The following VPS8 variants were observed in gnomAD, a reference collection of about 807,000 sequenced individuals.
The protein encoded by VPS8 is vacuolar protein sorting-associated protein 8 homolog.
A neutral mutation model predicts 216.4 loss-of-function variants in VPS8; 129 were observed. The ratio of observed to expected loss-of-function variants is 0.60; its 90% CI spans 0.52 to 0.69. VPS8 has a LOEUF of 0.69. Ranked by LOEUF, VPS8 falls within the 30% of genes least tolerant of loss-of-function variation. VPS8 has a pLI of 0.00. For missense variants in VPS8, 1,531 were observed against 1,683.5 expected (o/e 0.91, Z 1.59); for synonymous variants, 571 against 565.4 (o/e 1.01, Z -0.14).
At chr3:184,898,500 TAAA>T in intron 23 of VPS8, 62 bp from the exon 24 acceptor site, 2 of 1,273,916 alleles carry the variant, frequency 1.6e-6, no homozygotes, top group Non-Finnish European at 2.2e-6. Flanking sequence ...TTCCCATTCT[TAAA>T]GCATTAAGGA....
intron 20 of VPS8, among the ~76,000 whole-genome samples, chr3:184,869,930 A>T (rs780569101): frequency 3.3e-5 from 5 of 152,158 alleles, no homozygotes; most frequent in Non-Finnish European, 7.4e-5. Flanking sequence ...CATCTTGAAT[A>T]CTTTTAAAAT....
At chr3:184,974,422 ATTGAG>A (rs1397815839) in intron 40 of VPS8, among the ~76,000 whole-genome samples, 6 of 151,982 alleles carry the variant, frequency 3.9e-5, no homozygotes, top group South Asian at 2.1e-4. Flanking sequence ...CTTTTTTGCT[ATTGAG>A]TTGAGTTCAT....
At chr3:185,045,096 G>A (rs924019916) in intron 46 of VPS8, among the ~76,000 whole-genome samples, 3 of 63,778 alleles carry the variant, frequency 4.7e-5, no homozygotes, top group African/African-American at 2.0e-4. Flanking sequence ...GTGAGGTGGA[G>A]GGCAGGCAGG....
intron 36 of VPS8, among the ~76,000 whole-genome samples, chr3:184,952,378 A>G (rs1339893436): frequency 3.9e-5 from 6 of 152,180 alleles, no homozygotes; most frequent in Non-Finnish European, 7.4e-5. Context: ...TTCTGACACT[A>G]TGTATCTGGA....
At chr3:184,883,446 T>C (rs1176005220) in intron 21 of VPS8, among the ~76,000 whole-genome samples, 1 of 152,198 alleles carries the variant, frequency 6.6e-6, no homozygotes, top group Non-Finnish European at 1.5e-5. Flanking sequence ...TCTTCCCACA[T>C]TTCTTATGTC....
chr3:184,984,194 A>AAAAAAAAAAAAACAAAAAAACTCACCAAG lies in VPS8; in HGVS notation c.3585+1100_3585+1101insAAAAAAAAAAAACAAAAAAACTCACCAAG. On this transcript the variant is annotated intron_variant, in intron 42 of 47. Transcript: ENST00000625842. Reference sequence around the variant, plus strand: ...GCGAGACTCCGTCTCAAAAAAAAAAACTCTACTTCCCATCTGATATTAAGC... The same window carrying AAAAAAAAAAAAACAAAAAAACTCACCAAG: ...GCGAGACTCCGTCTCAAAAAAAAAAAAAAAAAAAAAAACAAAAAAACTCACCAAGCTCTACTTCCCATCTGATATTAAGC... Among the ~76,000 whole-genome samples, 40 of 46,528 alleles carry AAAAAAAAAAAAACAAAAAAACTCACCAAG rather than the reference A, an allele frequency of 8.6e-4. 10 individuals carry two copies. Among genetic ancestry groups the AAAAAAAAAAAAACAAAAAAACTCACCAAG allele is most frequent in the African/African-American group, 2.2e-3 (32 of 14,866 alleles). 30.5% of individuals were successfully genotyped at this position (46,528 alleles called of 152,430 possible).
intron 36 of VPS8, among the ~76,000 whole-genome samples, chr3:184,945,775 T>C (rs1378523969): frequency 6.6e-6 from 1 of 152,200 alleles, no homozygotes; most frequent in Non-Finnish European, 1.5e-5. Flanking sequence ...AACACAGAGC[T>C]AGCCACATGG....
chr3:184,959,851 T>A (rs1177264895), intron 37 of VPS8, among the ~76,000 whole-genome samples: 3 of 152,246 alleles, frequency 2.0e-5, no homozygotes, highest in East Asian at 1.9e-4. Flanking sequence ...TTAATTTTTT[T>A]ATTATACTTT....
chr3:184,835,709 C>CTT lies in VPS8; in HGVS notation c.447+984_447+985dup, dbSNP rs34896906. On this transcript the variant is annotated intron_variant, in intron 5 of 47. Coordinates refer to ENST00000625842, the MANE Select transcript of VPS8 (RefSeq NM_001009921.3). The stretch of plus-strand genomic sequence containing the variant: ...ACAAGAAATAAAAATTTGGATTTTT[C>CTT]TTTTTTTTTTTTTTTTTTGAGACGG... Among the ~76,000 whole-genome samples the CTT allele has an allele frequency of 1.6e-3, 205 of 126,734 alleles. 2 individuals carry two copies. Among genetic ancestry groups the CTT allele is most frequent in the East Asian group, 4.1e-3 (18 of 4,366 alleles). The allele number at this position is 126,734 out of a possible 152,430, so 83.1% of individuals were successfully genotyped here.
chr3:185,048,370 T>C (rs910391171), intron 46 of VPS8, 109 bp from the exon 47 acceptor site: 1 of 1,087,594 alleles, frequency 9.2e-7, no homozygotes, highest in Admixed American at 2.0e-5. Context: ...ATGGATTGTT[T>C]TCAGGAGAAT....
rs933953308 is a variant in VPS8 at position 184,825,900 on chromosome 3, C to CA, written c.154-248dup. On this transcript the variant is annotated intron_variant, in intron 2 of 47. Coordinates refer to ENST00000625842, the MANE Select transcript of VPS8 (RefSeq NM_001009921.3). ...TGGGCATCACAGCAAGACTCTGTCT[C>CA]AAAAAAAAAAAAAAAGTGTTCTGGA... is the stretch of plus-strand genomic sequence containing the variant. Among the ~76,000 whole-genome samples the CA allele has an allele frequency of 8.9e-3, 863 of 97,404 alleles. 8 individuals are homozygous for CA. Among genetic ancestry groups the CA allele is most frequent in the African/African-American group, 0.024 (626 of 25,738 alleles). The allele number at this position is 97,404 out of a possible 152,430, so 63.9% of individuals were successfully genotyped here. A position where few individuals can be genotyped will look rare whatever the true frequency, so the allele number is the denominator to read the frequency against.
In VPS8 at chr3:185,027,235, C is replaced by CTTTTTTT. The variant is rs893256183; in HGVS notation, c.4056+2865_4056+2871dup. 1.5e-3 allele frequency among the ~76,000 whole-genome samples: 132 copies of CTTTTTTT among 87,726 alleles called. 3 individuals carry two copies. Among genetic ancestry groups the CTTTTTTT allele is most frequent in the African/African-American group, 5.5e-3 (117 of 21,288 alleles). 57.6% of individuals were successfully genotyped at this position (87,726 alleles called of 152,430 possible). A position where few individuals can be genotyped will look rare whatever the true frequency, so the allele number is the denominator to read the frequency against. ...GCTAACTTAGTGCAGTTTTTATGTT[C>CTTTTTTT]TTTTTTTTTTTTTTTTTTTTTTTTT... is the stretch of plus-strand genomic sequence containing the variant. On this transcript the variant is annotated intron_variant, in intron 46 of 47. Transcript: ENST00000625842.
At chr3:184,830,900 C>G (rs187000782) in intron 3 of VPS8, among the ~76,000 whole-genome samples, 18 of 152,218 alleles carry the variant, frequency 1.2e-4, no homozygotes, top group African/African-American at 3.6e-4. Flanking sequence ...TGGACCTAAA[C>G]CTTGAGAAAT....
At chr3:184,930,717 T>C in intron 34 of VPS8, 149 bp downstream of exon 34, 1 of 612,888 alleles carries the variant, frequency 1.6e-6, no homozygotes, top group East Asian at 2.8e-5. Flanking sequence ...TACCTCATAT[T>C]TGTATTCATA....
In VPS8 at chr3:184,826,243, T is replaced by G. The variant is rs764731311; in HGVS notation, c.222+12T>G. ...GCATACTAAATGAGGTAAGTGAATATTAATGATTACTGTCATTTTGTGTGT... is the reference window on the plus strand; with the variant it reads ...GCATACTAAATGAGGTAAGTGAATAGTAATGATTACTGTCATTTTGTGTGT... On this transcript the variant is annotated intron_variant, in intron 3 of 47. Transcript: ENST00000625842. 1.9e-6 allele frequency: 3 copies of G among 1,596,150 alleles called. No individual in the cohort carries two copies. The highest frequency in any genetic ancestry group is 2.6e-6 in the Non-Finnish European group (3 of 1,167,718).
At chr3:184,923,337 C>T (rs1021114534) in intron 29 of VPS8, among the ~76,000 whole-genome samples, 1 of 152,164 alleles carries the variant, frequency 6.6e-6, no homozygotes, top group Admixed American at 6.5e-5. Flanking sequence ...AAAAAATGTC[C>T]TGTTTCATTG....
intron 44 of VPS8, among the ~76,000 whole-genome samples, chr3:184,998,908 G>A (rs1753009726): frequency 6.6e-6 from 1 of 151,612 alleles, no homozygotes; most frequent in Non-Finnish European, 1.5e-5. Context: ...TTGAGATGGA[G>A]TCTCATTCTG....
At chr3:184,844,373 A>G (rs1722718609) in intron 8 of VPS8, among the ~76,000 whole-genome samples, 1 of 152,170 alleles carries the variant, frequency 6.6e-6, no homozygotes, top group Non-Finnish European at 1.5e-5. Flanking sequence ...GTGAGCCGAG[A>G]TCGTGCCACT....
chr3:184,859,021 G>C (rs901390285), intron 14 of VPS8, among the ~76,000 whole-genome samples: 13 of 152,110 alleles, frequency 8.5e-5, no homozygotes, highest in Non-Finnish European at 1.9e-4. Flanking sequence ...AACTGTTTTG[G>C]CAGCCATCAA....
Sources: gnomAD v4.1 joint callset for allele counts (sites outside exome capture counted in the v4.1 genomes callset) on GRCh38, gnomAD v4.1.1 for gene constraint, MANE v1.5 for transcripts, NCBI Gene and HGNC (gene_info 2026-07-23, HGNC 2026-07-21) for gene names.